Variants in NPSR1 observed in about 807,000 individuals in gnomAD.
NPSR1 encodes the protein neuropeptide S receptor 1.
In NPSR1, 48 loss-of-function variants were observed where a neutral mutation model predicts 46.9. The observed-to-expected ratio is 1.02, with a 90% confidence interval of 0.81 to 1.30. The LOEUF (loss-of-function observed/expected upper bound fraction) is 1.30. Among genes scored for constraint, NPSR1 ranks in the 50% most tolerant of loss-of-function variants. The pLI is 0.00. For synonymous variants in NPSR1, 176 were observed against 168.1 expected, an observed-to-expected ratio of 1.05 and a Z score of -0.36; for missense variants, 450 against 449.5, an observed-to-expected ratio of 1.00 and a Z score of -0.01.
intron 3 of NPSR1, among the ~76,000 whole-genome samples, chr7:34,781,648 C>A (rs1345537579): frequency 6.6e-6 from 1 of 152,154 alleles, no homozygotes; most frequent in Non-Finnish European, 1.5e-5. Flanking sequence ...GTGGCTATAC[C>A]TTCCTCCTAT....
intron 2 of NPSR1, among the ~76,000 whole-genome samples, chr7:34,757,327 G>A (rs942614034): frequency 1.4e-4 from 22 of 151,932 alleles, no homozygotes; most frequent in African/African-American, 2.9e-4. Flanking sequence ...AATTACTTTC[G>A]CACCAACCTA....
chr7:34,707,352 C>T (rs1005786714), intron 2 of NPSR1, among the ~76,000 whole-genome samples: 1 of 152,152 alleles, frequency 6.6e-6, no homozygotes, highest in Non-Finnish European at 1.5e-5. Flanking sequence ...GTGTCAGTCA[C>T]CTTTATGAAT....
intron 2 of NPSR1, among the ~76,000 whole-genome samples, chr7:34,715,801 C>A (rs531659670): frequency 6.6e-6 from 1 of 152,284 alleles, no homozygotes; most frequent in Admixed American, 6.5e-5. Flanking sequence ...CCAGGGGCAC[C>A]ATGATGCTCA....
intron 2 of NPSR1, among the ~76,000 whole-genome samples, chr7:34,702,360 A>T (rs1406983022): frequency 6.6e-6 from 1 of 152,150 alleles, no homozygotes; most frequent in Admixed American, 6.5e-5. Flanking sequence ...ATTTATTATT[A>T]TTTTTTTAAC....
chr7:34,716,053 T>G (rs923468274), intron 2 of NPSR1, among the ~76,000 whole-genome samples: 2 of 151,994 alleles, frequency 1.3e-5, no homozygotes, highest in African/African-American at 4.8e-5. Context: ...CCTCCAGAGC[T>G]GAGTCCACCA....
At chr7:34,692,970 T>G (rs1441391892) in intron 2 of NPSR1, among the ~76,000 whole-genome samples, 2 of 152,202 alleles carry the variant, frequency 1.3e-5, no homozygotes, top group African/African-American at 4.8e-5. Context: ...GATTATATCA[T>G]GGAGGCAGAT....
rs1787980054 is a variant in NPSR1 at position 34,792,715 on chromosome 7, T to TATATATATATTTA, written c.384+14150_384+14151insATATATATATTTA. Among the ~76,000 whole-genome samples, 18 of 98,926 alleles carry TATATATATATTTA rather than the reference T, an allele frequency of 1.8e-4. 1 individual carries two copies. The highest frequency in any genetic ancestry group is 7.0e-4 in the African/African-American group (18 of 25,840). The allele number at this position is 98,926 out of a possible 152,430, so 64.9% of individuals were successfully genotyped here. On this transcript the variant is annotated intron_variant, in intron 3 of 8. Coordinates refer to ENST00000360581, the MANE Select transcript of NPSR1 (RefSeq NM_207172.2). ...TATATATATACGTATATATATATAT[T>TATATATATATTTA]TATATATATATATATATATTAGCCA...
At chr7:34,753,350 A>G (rs1785640990) in intron 2 of NPSR1, 1 of 152,182 alleles carries the variant, frequency 6.6e-6, no homozygotes, top group Non-Finnish European at 1.5e-5. Flanking sequence ...AATGAGGAAA[A>G]TACTTTCACC....
intron 1 of NPSR1, among the ~76,000 whole-genome samples, chr7:34,668,007 A>C (rs1472893132): frequency 6.6e-6 from 1 of 151,942 alleles, no homozygotes; most frequent in East Asian, 1.9e-4. Context: ...GGTTAATATT[A>C]ATGTAAAATA....
At chr7:34,858,423 T>C (rs10231219) in intron 8 of NPSR1, among the ~76,000 whole-genome samples, 42,186 of 151,610 alleles carry the variant, frequency 0.28, 6,471 homozygotes, top group Middle Eastern at 0.34. Flanking sequence ...AATATAAAGG[T>C]CAAAGACAGA....
At chr7:34,813,756 C>T (rs1789106904) in intron 4 of NPSR1, among the ~76,000 whole-genome samples, 5 of 152,156 alleles carry the variant, frequency 3.3e-5, no homozygotes, top group Admixed American at 3.3e-4. Context: ...GGGAGTTAGA[C>T]CAGTGGTGTG....
At chr7:34,754,941 G>A (rs925763607) in intron 2 of NPSR1, among the ~76,000 whole-genome samples, 21 of 151,366 alleles carry the variant, frequency 1.4e-4, no homozygotes, top group Non-Finnish European at 2.7e-4. Context: ...GTTCATTTTT[G>A]TTGTAGCACG....
intron 8 of NPSR1, among the ~76,000 whole-genome samples, chr7:34,865,529 T>A (rs1057240166): frequency 2.0e-5 from 3 of 151,768 alleles, no homozygotes; most frequent in Non-Finnish European, 2.9e-5. Context: ...GCTAAAATAA[T>A]CACAGCGCCA....
In NPSR1 at chr7:34,689,604, C is replaced by CAAAAAAAAAAAAAAAAAAAAAA. The variant is rs869170591; in HGVS notation, c.280+4929_280+4950dup. 6.0e-4 allele frequency among the ~76,000 whole-genome samples: 22 copies of CAAAAAAAAAAAAAAAAAAAAAA among 36,686 alleles called. 1 individual carries two copies. The highest frequency in any genetic ancestry group is 1.6e-3 in the Admixed American group (3 of 1,830). The allele number at this position is 36,686 out of a possible 152,430, so 24.1% of individuals were successfully genotyped here. On this transcript the variant is annotated intron_variant, in intron 2 of 8. Transcript: ENST00000360581. The stretch of plus-strand genomic sequence containing the variant: ...TGGATGACAGAGCCAGACTCTGTCT[C>CAAAAAAAAAAAAAAAAAAAAAA]AAAAAAAAAAAAAAAAAAAAAAAAA...
chr7:34,865,037 T>C (rs1402279004), intron 8 of NPSR1, among the ~76,000 whole-genome samples: 1 of 151,772 alleles, frequency 6.6e-6, no homozygotes, highest in African/African-American at 2.4e-5. Context: ...CTCAAGTGTG[T>C]TTCATGCTTT....
intron 2 of NPSR1, among the ~76,000 whole-genome samples, chr7:34,747,138 A>C (rs544703894): frequency 8.1e-4 from 123 of 151,598 alleles, no homozygotes; most frequent in African/African-American, 2.8e-3. Context: ...ACAAAAAAAA[A>C]AAAAAAAAAG....
At chr7:34,750,511 T>C (rs324396) in intron 2 of NPSR1, 480,762 of 701,190 alleles carry the variant, frequency 0.69, 168,283 homozygotes, top group African/African-American at 0.93. Flanking sequence ...GTTTCTTGGC[T>C]GTTGGGGCTC....
chr7:34,676,566 C>T (rs994627465), intron 1 of NPSR1, among the ~76,000 whole-genome samples: 6 of 151,988 alleles, frequency 3.9e-5, no homozygotes, highest in South Asian at 2.1e-4. Flanking sequence ...AATACGGCTG[C>T]GAATAAAGGA....
In NPSR1 at chr7:34,702,021, G is replaced by T. The variant is rs34268080; in HGVS notation, c.280+17337G>T. The stretch of plus-strand genomic sequence containing the variant: ...AGGATTTATTTTTATCTTATGTAAA[G>T]AAGTCCGGACGTAGGTAATCCAGGG... On this transcript the variant is annotated intron_variant, in intron 2 of 8. Coordinates refer to ENST00000360581, the MANE Select transcript of NPSR1 (RefSeq NM_207172.2). Among the ~76,000 whole-genome samples, 820 of 152,286 alleles carry T rather than the reference G, an allele frequency of 5.4e-3. 4 individuals carry two copies. Among genetic ancestry groups the T allele is most frequent in the African/African-American group, 0.017 (709 of 41,556 alleles).
Sources: gnomAD v4.1 joint callset for allele counts (sites outside exome capture counted in the v4.1 genomes callset) on GRCh38, gnomAD v4.1.1 for gene constraint, MANE v1.5 for transcripts, NCBI Gene and HGNC (gene_info 2026-07-23, HGNC 2026-07-21) for gene names.